Variants in ECT2L observed in about 807,000 individuals in gnomAD.
ECT2L encodes epithelial cell transforming 2 like, also known as epithelial cell-transforming sequence 2 oncogene-like.
ECT2L carries 126 observed loss-of-function variants against 122.8 expected under a neutral mutation model. The observed-to-expected ratio is 1.03, with a 90% CI of 0.89 to 1.19. The LOEUF (loss-of-function observed/expected upper bound fraction) is 1.19, where lower values mean the gene tolerates loss of function less well. Ranked by LOEUF, ECT2L falls within the 50% of genes most tolerant of loss-of-function variation. The pLI is 0.00. For missense variants in ECT2L, 1,012 were observed against 1,064.1 expected (o/e 0.95, Z 0.68); for synonymous variants, 385 against 381.8 (o/e 1.01, Z -0.10).
intron 5 of ECT2L, among the ~76,000 whole-genome samples, chr6:138,839,881 T>C (rs1489569518): frequency 1.3e-5 from 2 of 152,204 alleles, no homozygotes; most frequent in Non-Finnish European, 2.9e-5. Context: ...TAATATTATC[T>C]TACCATTTCT....
intron 14 of ECT2L, among the ~76,000 whole-genome samples, chr6:138,879,656 T>TA (rs1778580261): frequency 6.6e-6 from 1 of 152,072 alleles, no homozygotes; most frequent in Non-Finnish European, 1.5e-5. Context: ...ACCTCTGCAT[T>TA]AAAAAATAAA....
intron 18 of ECT2L, among the ~76,000 whole-genome samples, chr6:138,886,403 T>C (rs542063988): frequency 2.6e-5 from 4 of 152,138 alleles, no homozygotes; most frequent in African/African-American, 9.6e-5. Flanking sequence ...GTACAGAAAA[T>C]TGAAATTTTT....
chr6:138,884,826 CACA>C (rs985563853), intron 16 of ECT2L, among the ~76,000 whole-genome samples: 1 of 151,728 alleles, frequency 6.6e-6, no homozygotes, highest in Non-Finnish European at 1.5e-5. Context: ...TTTTCCACAC[CACA>C]ACATTAGAGA....
At position 138,813,258 on chromosome 6, in the gene ECT2L, C is replaced by A; in HGVS notation, c.-17C>A. 6.2e-7 allele frequency: 1 copy of A among 1,602,408 alleles called. No homozygotes were observed. The highest frequency in any genetic ancestry group is 8.5e-7 in the Non-Finnish European group (1 of 1,176,606). ...GCTGAGACGTCAGCTGGGGATTCTT[C>A]CTGGAGAACTCCAGAAATGGAGAGC... is the stretch of plus-strand genomic sequence containing the variant. On this transcript the variant is annotated 5_prime_UTR_variant, in exon 3 of 22. Transcript: ENST00000541398.
intron 4 of ECT2L, among the ~76,000 whole-genome samples, chr6:138,828,349 C>T (rs1776528398): frequency 6.6e-6 from 1 of 152,150 alleles, no homozygotes; most frequent in Admixed American, 6.6e-5. Flanking sequence ...GTTTTCTCCC[C>T]TCACCCTTTT....
chr6:138,895,813 T>G (rs112419267), intron 20 of ECT2L, among the ~76,000 whole-genome samples: 13,394 of 152,134 alleles, frequency 0.088, 1,232 homozygotes, highest in African/African-American at 0.23. Context: ...CCTCAAGTGA[T>G]CCACCCATCC....
chr6:138,827,759 A>G (rs1367334320), intron 4 of ECT2L, among the ~76,000 whole-genome samples: 3 of 152,118 alleles, frequency 2.0e-5, no homozygotes, highest in African/African-American at 2.4e-5. Flanking sequence ...GGGTTTCACC[A>G]TGTTGGCCAG....
chr6:138,822,658 G>A (rs562227334), intron 4 of ECT2L: 3 of 1,169,088 alleles, frequency 2.6e-6, no homozygotes, highest in African/African-American at 1.6e-5. Flanking sequence ...AGCCAAGATG[G>A]CCGAATAGGA....
chr6:138,891,571 T>C (rs999325245), intron 20 of ECT2L, among the ~76,000 whole-genome samples: 1 of 89,836 alleles, frequency 1.1e-5, no homozygotes, highest in African/African-American at 4.8e-5. Flanking sequence ...CAATTGCCAA[T>C]CAAAAAATCT....
Position 138,814,125 on chromosome 6 carries a change from A to G in ECT2L, c.67-366A>G, listed in dbSNP as rs565241954. 2.6e-5 allele frequency among the ~76,000 whole-genome samples: 4 copies of G among 152,288 alleles called. No homozygotes were observed. The South Asian group carries it at 8.3e-4, about 32-fold the overall frequency. On this transcript the variant is annotated intron_variant, in intron 3 of 21. Transcript: ENST00000541398. ...TCACAATTAAATGAGTGTAGCCCGT[A>G]TATGTTTTCAAAATGAAATGTGTGG...
rs1026069801 is a variant in ECT2L at position 138,822,935 on chromosome 6, G to T, written c.179+8332G>T. The T allele has an allele frequency of 4.3e-6, 7 of 1,613,302 alleles. No individual in the cohort carries two copies. In the African/African-American group the frequency reaches 8.0e-5, roughly 18 times the overall value. On this transcript the variant is annotated intron_variant, in intron 4 of 21. Transcript: ENST00000541398. ...GACTTGCAGGCAATTCCATGGTAGT[G>T]GCAATTTATGCCTATTACAAGAAAC...
chr6:138,853,006 C>T lies in ECT2L; in HGVS notation c.1070-1020C>T, dbSNP rs183812336. On this transcript the variant is annotated intron_variant, in intron 9 of 21. Transcript: ENST00000541398. ...TGTTTGAGATGGAGTCTCGCTCTGT[C>T]GCCCAGGCTGGAGTACAGCGGCACG... Among the ~76,000 whole-genome samples the T allele has an allele frequency of 8.8e-4, 134 of 152,188 alleles. 1 individual carries two copies. The highest frequency in any genetic ancestry group is 3.0e-3 in the African/African-American group (125 of 41,534).
chr6:138,814,670 AAC>A, intron 4 of ECT2L, 67 bp downstream of exon 4: 2 of 965,760 alleles, frequency 2.1e-6, no homozygotes, highest in Non-Finnish European at 3.1e-6. Context: ...ATGTTTATAT[AAC>A]CTTTAAGAGA....
At position 138,864,440 on chromosome 6, in the gene ECT2L, A is replaced by T. The variant is rs192897111; in HGVS notation, c.1292-556A>T. ...AAAATCAAATTTAACACACCACTGC[A>T]TCATCCAGTAATTGTTTTTTAAGAA... On this transcript the variant is annotated intron_variant, in intron 11 of 21. Transcript: ENST00000541398. 1.4e-4 allele frequency among the ~76,000 whole-genome samples: 22 copies of T among 152,360 alleles called. No individual in the cohort carries two copies. The East Asian group carries it at 3.7e-3, about 25-fold the overall frequency.
At chr6:138,875,891 C>T (rs879533994) in intron 13 of ECT2L, among the ~76,000 whole-genome samples, 11 of 152,056 alleles carry the variant, frequency 7.2e-5, no homozygotes, top group African/African-American at 2.2e-4. Context: ...GAGGCCAAGG[C>T]GGGCAGATTA....
chr6:138,892,076 CT>C (rs1779050101), intron 20 of ECT2L, among the ~76,000 whole-genome samples: 1 of 152,130 alleles, frequency 6.6e-6, no homozygotes, highest in South Asian at 2.1e-4. Context: ...TATGATTTGC[CT>C]TTTGTAACTG....
chr6:138,796,576 G>A (rs903920338), intron 1 of ECT2L, among the ~76,000 whole-genome samples: 1 of 151,990 alleles, frequency 6.6e-6, no homozygotes, highest in Non-Finnish European at 1.5e-5. Flanking sequence ...CCTCCTATGG[G>A]GTCCAAAAAT....
At chr6:138,801,824 G>C (rs1402342284) in intron 1 of ECT2L, among the ~76,000 whole-genome samples, 1 of 152,160 alleles carries the variant, frequency 6.6e-6, no homozygotes, top group Non-Finnish European at 1.5e-5. Context: ...TATGGAAACA[G>C]TAGGAAAACA....
chr6:138,868,020 G>GAAAT, intron 12 of ECT2L, 83 bp from the exon 13 acceptor site: 1 of 355,018 alleles, frequency 2.8e-6, no homozygotes, highest in Non-Finnish European at 4.5e-6. Context: ...AAAAAAAAAA[G>GAAAT]AAACTGTGAG....
Sources: gnomAD v4.1 joint callset for allele counts (sites outside exome capture counted in the v4.1 genomes callset) on GRCh38, gnomAD v4.1.1 for gene constraint, MANE v1.5 for transcripts, NCBI Gene and HGNC (gene_info 2026-07-23, HGNC 2026-07-21) for gene names.